SARNP: variants seen among roughly 807,000 people sequenced by gnomAD.
The protein encoded by SARNP is SAP domain containing ribonucleoprotein.
SARNP carries 5 observed loss-of-function variants against 38.1 expected under a neutral mutation model. The ratio of observed to expected loss-of-function variants is 0.13; its 90% confidence interval spans 0.07 to 0.28. SARNP has a LOEUF of 0.28. Among genes scored for constraint, SARNP ranks in the 10% least tolerant of loss-of-function variants. SARNP has a pLI of 1.00. For synonymous variants in SARNP, 84 were observed against 80.6 expected, an observed-to-expected ratio of 1.04 and a Z score of -0.23; for missense variants, 180 against 243.9, an observed-to-expected ratio of 0.74 and a Z score of 1.75.
chr12:55,806,917 A>G lies in SARNP; in HGVS notation c.37-3189T>C, dbSNP rs142677319. Among the ~76,000 whole-genome samples the G allele has an allele frequency of 3.4e-3, 525 of 152,328 alleles. 2 individuals carry two copies. Among genetic ancestry groups the G allele is most frequent in the African/African-American group, 0.012 (497 of 41,562 alleles). On this transcript the variant is annotated intron_variant, in intron 1 of 10. Transcript: ENST00000336133. ...CTTTATATTTATTAAGTACTAAATCACTGGTCTCAGATTTGAGAGTTTCAC... is the reference window on the plus strand; with the variant it reads ...CTTTATATTTATTAAGTACTAAATCGCTGGTCTCAGATTTGAGAGTTTCAC...
chr12:55,771,862 C>A (rs1326143565), intron 9 of SARNP, among the ~76,000 whole-genome samples: 1 of 152,094 alleles, frequency 6.6e-6, no homozygotes, highest in Non-Finnish European at 1.5e-5. Context: ...TGGGGGCTTT[C>A]AGGCGATGGT....
chr12:55,816,464 T>C (rs1880488561), intron 1 of SARNP, among the ~76,000 whole-genome samples: 1 of 152,122 alleles, frequency 6.6e-6, no homozygotes, highest in African/African-American at 2.4e-5. Flanking sequence ...AAAAACCCAC[T>C]AACAGAGTTT....
chr12:55,788,742 G>A (rs984236211), intron 9 of SARNP, among the ~76,000 whole-genome samples: 1 of 152,152 alleles, frequency 6.6e-6, no homozygotes, highest in African/African-American at 2.4e-5. Flanking sequence ...CAAGCCTGCA[G>A]TGAGCCGTGA....
intron 7 of SARNP, among the ~76,000 whole-genome samples, chr12:55,791,985 AT>A (rs1318186709): frequency 2.0e-5 from 3 of 151,924 alleles, no homozygotes; most frequent in Non-Finnish European, 4.4e-5. Context: ...TTCAAATAGC[AT>A]TTTAGCCTTG....
At chr12:55,774,883 GT>G (rs367957447) in intron 9 of SARNP, among the ~76,000 whole-genome samples, 160 of 110,736 alleles carry the variant, frequency 1.4e-3, no homozygotes, top group Middle Eastern at 4.5e-3. Context: ...ATTTCTATTT[GT>G]TTTTTTTTTT....
At chr12:55,794,119 T>C in intron 7 of SARNP, 1 of 500,900 alleles carries the variant, frequency 2.0e-6, no homozygotes, top group Non-Finnish European at 3.5e-6. Context: ...TCTTTGAAGA[T>C]GTTCAAGAAA....
intron 9 of SARNP, among the ~76,000 whole-genome samples, chr12:55,786,071 T>G (rs1879483764): frequency 6.6e-6 from 1 of 152,174 alleles, no homozygotes; most frequent in Non-Finnish European, 1.5e-5. Flanking sequence ...TACTCAGCCT[T>G]CTGTGGACTA....
At chr12:55,798,824 A>AT (rs1436431770) in intron 4 of SARNP, among the ~76,000 whole-genome samples, 3 of 152,228 alleles carry the variant, frequency 2.0e-5, no homozygotes, top group African/African-American at 7.2e-5. Context: ...ACTTTTGTAT[A>AT]TACTTGTAAT....
intron 9 of SARNP, among the ~76,000 whole-genome samples, chr12:55,784,746 T>A (rs924240497): frequency 1.3e-5 from 2 of 152,212 alleles, no homozygotes; most frequent in Admixed American, 6.5e-5. Context: ...AAAATAAGTT[T>A]TACTGGACAG....
At chr12:55,766,632 G>GGGT (rs1565671275) in intron 9 of SARNP, among the ~76,000 whole-genome samples, 2 of 46,548 alleles carry the variant, frequency 4.3e-5, no homozygotes, top group Non-Finnish European at 3.9e-5. Context: ...GGGGGGGGGG[G>GGGT]TTGTTTTTTT....
intron 1 of SARNP, among the ~76,000 whole-genome samples, chr12:55,809,410 C>T (rs561302973): frequency 2.9e-4 from 44 of 152,210 alleles, no homozygotes; most frequent in African/African-American, 1.0e-3. Context: ...TGCCACTGCA[C>T]TCCAGCCTGG....
intron 9 of SARNP, among the ~76,000 whole-genome samples, chr12:55,769,605 T>C (rs1206678026): frequency 1.3e-5 from 2 of 152,250 alleles, no homozygotes; most frequent in Non-Finnish European, 2.9e-5. Flanking sequence ...GAGCCAAATG[T>C]GTGGCCTACC....
At chr12:55,767,862 A>T (rs1323522968) in intron 9 of SARNP, among the ~76,000 whole-genome samples, 1 of 150,306 alleles carries the variant, frequency 6.7e-6, no homozygotes, top group Non-Finnish European at 1.5e-5. Flanking sequence ...AAAAAAAAAA[A>T]AAAAAAAAAG....
chr12:55,804,494 T>C (rs1231121455), intron 1 of SARNP, among the ~76,000 whole-genome samples: 2 of 151,534 alleles, frequency 1.3e-5, no homozygotes, highest in South Asian at 2.1e-4. Context: ...AAGGTATACA[T>C]ATAACTTCCT....
chr12:55,803,769 T>C, intron 1 of SARNP, 41 bp from the exon 2 acceptor site: 5 of 1,285,894 alleles, frequency 3.9e-6, no homozygotes, highest in African/African-American at 2.9e-5. Flanking sequence ...GTTAACAGGA[T>C]GAACACCAGT....
intron 1 of SARNP, among the ~76,000 whole-genome samples, chr12:55,811,831 C>T (rs925101582): frequency 5.9e-5 from 9 of 152,188 alleles, no homozygotes; most frequent in African/African-American, 1.4e-4. Flanking sequence ...CGATTTCAAT[C>T]AGCGGCAAAG....
chr12:55,759,800 C>T (rs1565669247), intron 10 of SARNP, among the ~76,000 whole-genome samples: 2 of 151,900 alleles, frequency 1.3e-5, no homozygotes, highest in Non-Finnish European at 2.9e-5. Context: ...TACAGTGGCG[C>T]CATCCAGGTT....
At chr12:55,805,791 G>C (rs929896825) in intron 1 of SARNP, among the ~76,000 whole-genome samples, 5 of 152,216 alleles carry the variant, frequency 3.3e-5, no homozygotes, top group Non-Finnish European at 7.3e-5. Flanking sequence ...GGAGGTTGCA[G>C]TGAGCCAAAA....
chr12:55,814,899 C>G (rs76067217), intron 1 of SARNP, among the ~76,000 whole-genome samples: 2 of 151,786 alleles, frequency 1.3e-5, no homozygotes, highest in African/African-American at 4.8e-5. Flanking sequence ...AGAATGACTG[C>G]ATTTCTACAA....
Sources: gnomAD v4.1 joint callset for allele counts (sites outside exome capture counted in the v4.1 genomes callset) on GRCh38, gnomAD v4.1.1 for gene constraint, MANE v1.5 for transcripts, NCBI Gene and HGNC (gene_info 2026-07-23, HGNC 2026-07-21) for gene names.